PPARGC1A: variants seen among roughly 807,000 people sequenced by gnomAD.
PPARGC1A encodes PPARG coactivator 1 alpha.
A neutral mutation model predicts 88.7 loss-of-function variants in PPARGC1A; 25 were observed. The observed-to-expected ratio is 0.28, with a 90% CI of 0.21 to 0.39. PPARGC1A has a LOEUF of 0.39. PPARGC1A is among the 10% of genes least tolerant of loss of function. The pLI is 1.00. For synonymous variants in PPARGC1A, 363 were observed against 355.6 expected, an observed-to-expected ratio of 1.02 and a Z score of -0.24; for missense variants, 880 against 968.7, an observed-to-expected ratio of 0.91 and a Z score of 1.22.
chr4:23,984,463 G>T, the PPARGC1A span, among the ~76,000 whole-genome samples: 6 of 151,878 alleles, frequency 4.0e-5, 1 homozygote, highest in Non-Finnish European at 7.4e-5. Flanking sequence ...ACCTACCAAG[G>T]TTTCCGTATC....
chr4:24,170,419 T>C, the PPARGC1A span, among the ~76,000 whole-genome samples: 1 of 152,222 alleles, frequency 6.6e-6, no homozygotes, highest in Admixed American at 6.5e-5. Flanking sequence ...CTCCTACCTA[T>C]ATACCAAGAG....
At chr4:24,321,299 T>C in the PPARGC1A span, among the ~76,000 whole-genome samples, 1 of 152,038 alleles carries the variant, frequency 6.6e-6, no homozygotes, top group Non-Finnish European at 1.5e-5. Context: ...CTTGGAAAAA[T>C]AAAATGCGTA....
Position 23,806,025 on chromosome 4 carries a change from C to T in PPARGC1A, c.2020-3680G>A, listed in dbSNP as rs140924463. On this transcript the variant is annotated intron_variant, in intron 10 of 12. Transcript: ENST00000264867. The stretch of plus-strand genomic sequence containing the variant: ...ACCAGAGGACCTTTTATAATGGATA[C>T]TGATACATTCTACAGTAAAAAGAAG... Among the ~76,000 whole-genome samples, 29 of 152,200 alleles carry T rather than the reference C, an allele frequency of 1.9e-4. No homozygotes were observed. The East Asian group carries it at 4.8e-3, about 25-fold the overall frequency.
At chr4:24,096,674 G>A in the PPARGC1A span, among the ~76,000 whole-genome samples, 2 of 152,192 alleles carry the variant, frequency 1.3e-5, no homozygotes, top group South Asian at 4.1e-4. Context: ...GTGTGGGCCT[G>A]CAGTCATGCA....
At chr4:24,286,285 A>G in the PPARGC1A span, among the ~76,000 whole-genome samples, 5 of 152,212 alleles carry the variant, frequency 3.3e-5, no homozygotes, top group African/African-American at 1.2e-4. Context: ...TCACAGAGGG[A>G]AAGGTATAGA....
chr4:23,869,758 GC>G (rs1442031087), intron 2 of PPARGC1A, among the ~76,000 whole-genome samples: 1 of 152,166 alleles, frequency 6.6e-6, no homozygotes, highest in Non-Finnish European at 1.5e-5. Flanking sequence ...GTTGTGCATT[GC>G]TGGGGTGGTG....
the PPARGC1A span, among the ~76,000 whole-genome samples, chr4:24,425,117 C>T: frequency 6.6e-6 from 1 of 152,164 alleles, no homozygotes; most frequent in Non-Finnish European, 1.5e-5. Flanking sequence ...CATCCAAACG[C>T]TCAATGCCTC....
chr4:24,347,478 G>C, the PPARGC1A span, among the ~76,000 whole-genome samples: 1 of 152,148 alleles, frequency 6.6e-6, no homozygotes, highest in Admixed American at 6.5e-5. Flanking sequence ...ACATTTTCCT[G>C]TTGGACAAGG....
the PPARGC1A span, among the ~76,000 whole-genome samples, chr4:24,283,728 T>G: frequency 6.6e-6 from 1 of 152,006 alleles, no homozygotes; most frequent in Admixed American, 6.6e-5. Flanking sequence ...TAGACTGAAA[T>G]GCTGGTTCAC....
chr4:24,338,757 G>A, the PPARGC1A span, among the ~76,000 whole-genome samples: 1 of 151,518 alleles, frequency 6.6e-6, no homozygotes, highest in Non-Finnish European at 1.5e-5. Context: ...AACAAAGATG[G>A]TCTCAAACAC....
At chr4:24,288,382 A>C in the PPARGC1A span, among the ~76,000 whole-genome samples, 1 of 152,156 alleles carries the variant, frequency 6.6e-6, no homozygotes. Context: ...AGCCTAACCC[A>C]TCCCTTTACA....
At chr4:24,199,211 A>T in the PPARGC1A span, among the ~76,000 whole-genome samples, 35 of 152,290 alleles carry the variant, frequency 2.3e-4, 1 homozygote, top group South Asian at 7.1e-3. Context: ...AGTACTTGGC[A>T]GGTTTTGTTG....
At chr4:24,242,675 G>A in the PPARGC1A span, among the ~76,000 whole-genome samples, 7 of 152,140 alleles carry the variant, frequency 4.6e-5, no homozygotes, top group Middle Eastern at 6.8e-3. Flanking sequence ...TTAAAGTCTC[G>A]ATAGCCTTGA....
chr4:24,321,608 A>G, the PPARGC1A span, among the ~76,000 whole-genome samples: 4 of 152,340 alleles, frequency 2.6e-5, no homozygotes, highest in African/African-American at 9.6e-5. Flanking sequence ...AGAGGCACCA[A>G]TAGAGATGTT....
intron 7 of PPARGC1A, among the ~76,000 whole-genome samples, chr4:23,818,215 T>A (rs115658474): frequency 2.0e-5 from 3 of 152,288 alleles, no homozygotes; most frequent in Non-Finnish European, 4.4e-5. Flanking sequence ...ACAAGGTATA[T>A]TCCATGCTCT....
the PPARGC1A span, among the ~76,000 whole-genome samples, chr4:24,023,384 GA>G: frequency 7.9e-5 from 12 of 151,576 alleles, no homozygotes; most frequent in Admixed American, 2.0e-4. Context: ...GACAGGTTTG[GA>G]AAAAAAACAG....
chr4:24,192,691 C>A, the PPARGC1A span, among the ~76,000 whole-genome samples: 5 of 152,188 alleles, frequency 3.3e-5, no homozygotes, highest in African/African-American at 1.2e-4. Context: ...TTAGAAAAAT[C>A]TACATCCTTA....
chr4:24,421,031 A>T, the PPARGC1A span, among the ~76,000 whole-genome samples: 1 of 152,154 alleles, frequency 6.6e-6, no homozygotes, highest in Non-Finnish European at 1.5e-5. Context: ...AGCCCTCATG[A>T]TCTAATCACC....
At chr4:23,842,047 T>A (rs1046201914) in intron 2 of PPARGC1A, among the ~76,000 whole-genome samples, 1 of 152,142 alleles carries the variant, frequency 6.6e-6, no homozygotes, top group Non-Finnish European at 1.5e-5. Flanking sequence ...TATTTTGGGA[T>A]TTTATGGAAG....
Sources: gnomAD v4.1 joint callset for allele counts (sites outside exome capture counted in the v4.1 genomes callset) on GRCh38, gnomAD v4.1.1 for gene constraint, MANE v1.5 for transcripts, NCBI Gene and HGNC (gene_info 2026-07-23, HGNC 2026-07-21) for gene names.